The following ADK variants were observed in gnomAD, a reference collection of about 807,000 sequenced individuals.
ADK encodes the protein N6,N6-dimethyladenosine kinase.
A neutral mutation model predicts 44.7 loss-of-function variants in ADK; 24 were observed. The ratio of observed to expected loss-of-function variants is 0.54; its 90% CI spans 0.39 to 0.76. The LOEUF is 0.76. ADK is among the 30% of genes least tolerant of loss of function. The pLI is 0.00. For synonymous variants in ADK, 128 were observed against 142.6 expected, an observed-to-expected ratio of 0.90 and a Z score of 0.73; for missense variants, 321 against 425.1, an observed-to-expected ratio of 0.76 and a Z score of 2.15.
At chr10:74,331,576 T>C (rs1380737553) in intron 4 of ADK, among the ~76,000 whole-genome samples, 2 of 152,160 alleles carry the variant, frequency 1.3e-5, no homozygotes, top group African/African-American at 4.8e-5. Flanking sequence ...TTCCGCCTCC[T>C]GGGTTCAAGT....
intron 6 of ADK, among the ~76,000 whole-genome samples, chr10:74,445,942 A>G (rs543504728): frequency 6.6e-6 from 1 of 152,186 alleles, no homozygotes; most frequent in African/African-American, 2.4e-5. Context: ...AATGGATGTT[A>G]TATTTTGATT....
chr10:74,233,535 C>G (rs1844856979), intron 3 of ADK, among the ~76,000 whole-genome samples: 2 of 152,146 alleles, frequency 1.3e-5, no homozygotes, highest in Admixed American at 6.5e-5. Flanking sequence ...ATTGCATCCC[C>G]TAAATTTTTT....
chr10:74,282,485 T>C (rs1454921915), intron 3 of ADK, among the ~76,000 whole-genome samples: 2 of 152,216 alleles, frequency 1.3e-5, no homozygotes, highest in Non-Finnish European at 2.9e-5. Context: ...TGTACTAAAA[T>C]ATTACGAATA....
At chr10:74,522,988 G>A (rs922427438) in intron 6 of ADK, among the ~76,000 whole-genome samples, 1 of 151,804 alleles carries the variant, frequency 6.6e-6, no homozygotes, top group African/African-American at 2.4e-5. Flanking sequence ...GCAAAAAAGC[G>A]TTTGTGCCTT....
intron 1 of ADK, among the ~76,000 whole-genome samples, chr10:74,178,095 C>G (rs1842414655): frequency 6.6e-6 from 1 of 151,928 alleles, no homozygotes; most frequent in East Asian, 1.9e-4. Context: ...GCGCCAGCCA[C>G]CACACCCAGC....
At chr10:74,197,464 C>T (rs1843199799) in intron 1 of ADK, among the ~76,000 whole-genome samples, 1 of 151,946 alleles carries the variant, frequency 6.6e-6, no homozygotes, top group African/African-American at 2.4e-5. Flanking sequence ...TTTGGGAGGC[C>T]CAAGGCGGGT....
At chr10:74,520,378 A>G (rs996925240) in intron 6 of ADK, among the ~76,000 whole-genome samples, 6 of 151,978 alleles carry the variant, frequency 3.9e-5, no homozygotes, top group African/African-American at 2.4e-5. Context: ...TGGTTATTTT[A>G]CATAGGTTTA....
intron 1 of ADK, among the ~76,000 whole-genome samples, chr10:74,179,108 C>T (rs1262665819): frequency 6.6e-6 from 1 of 152,120 alleles, no homozygotes; most frequent in Non-Finnish European, 1.5e-5. Context: ...CAGGGTTAGC[C>T]AAGAGAACAC....
chr10:74,604,836 T>C (rs964322970), intron 9 of ADK, among the ~76,000 whole-genome samples: 1 of 152,238 alleles, frequency 6.6e-6, no homozygotes, highest in Non-Finnish European at 1.5e-5. Context: ...TAAATTACTT[T>C]GGGTAGTATG....
chr10:74,361,000 C>A (rs1250826846), intron 4 of ADK, among the ~76,000 whole-genome samples: 1 of 151,708 alleles, frequency 6.6e-6, no homozygotes, highest in Non-Finnish European at 1.5e-5. Context: ...CTCCAACTCC[C>A]TGGTTCAAGC....
At chr10:74,577,875 TTACTC>T (rs1370863431) in intron 7 of ADK, among the ~76,000 whole-genome samples, 2 of 152,226 alleles carry the variant, frequency 1.3e-5, no homozygotes, top group Admixed American at 6.5e-5. Flanking sequence ...TCTTACCACT[TTACTC>T]ACAGTAGTTT....
At chr10:74,185,883 T>C (rs142821753) in intron 1 of ADK, among the ~76,000 whole-genome samples, 11 of 146,356 alleles carry the variant, frequency 7.5e-5, no homozygotes, top group African/African-American at 2.7e-4. Flanking sequence ...ATCCTCCCTC[T>C]GTTGCCCAGG....
At chr10:74,441,745 G>A (rs1472184859) in intron 6 of ADK, among the ~76,000 whole-genome samples, 1 of 152,046 alleles carries the variant, frequency 6.6e-6, no homozygotes, top group Non-Finnish European at 1.5e-5. Context: ...TTTCTGCACA[G>A]CAAAGGAGAC....
At chr10:74,531,217 T>C (rs1474508316) in intron 7 of ADK, among the ~76,000 whole-genome samples, 1 of 152,116 alleles carries the variant, frequency 6.6e-6, no homozygotes, top group Non-Finnish European at 1.5e-5. Context: ...ACCATTCCTA[T>C]CCTACTAGTC....
intron 2 of ADK, among the ~76,000 whole-genome samples, chr10:74,219,172 A>C (rs998062634): frequency 6.6e-6 from 1 of 151,850 alleles, no homozygotes; most frequent in South Asian, 2.1e-4. Flanking sequence ...GGATGGAGGA[A>C]GATCTACCAA....
intron 9 of ADK, among the ~76,000 whole-genome samples, chr10:74,625,144 A>G (rs1456779474): frequency 6.6e-6 from 1 of 152,172 alleles, no homozygotes; most frequent in Admixed American, 6.5e-5. Context: ...TACTTAAATA[A>G]TATGATGTGA....
chr10:74,562,785 C>T (rs899583954), intron 7 of ADK, among the ~76,000 whole-genome samples: 2 of 152,126 alleles, frequency 1.3e-5, no homozygotes, highest in Admixed American at 6.6e-5. Context: ...AAAAATAAAA[C>T]CAGTGTTTTT....
At chr10:74,191,244 G>T (rs918382397) in intron 1 of ADK, among the ~76,000 whole-genome samples, 1 of 152,030 alleles carries the variant, frequency 6.6e-6, no homozygotes, top group Admixed American at 6.5e-5. Flanking sequence ...CTTCCAAAGT[G>T]CTGGGATTAC....
At chr10:74,634,305 C>G (rs1462067455) in intron 9 of ADK, among the ~76,000 whole-genome samples, 1 of 152,048 alleles carries the variant, frequency 6.6e-6, no homozygotes, top group African/African-American at 2.4e-5. Context: ...AGCTCCGCCT[C>G]CCCAGTTCAC....
Sources: allele counts gnomAD v4.1 joint callset (sites outside exome capture counted in the v4.1 genomes callset), GRCh38; gene constraint gnomAD v4.1.1; transcripts MANE v1.5; gene names NCBI Gene and HGNC (gene_info 2026-07-23, HGNC 2026-07-21).